Variants in ZNF423 observed in about 807,000 individuals in gnomAD.
ZNF423 encodes the protein zinc finger protein 423, also known as Ebf-associated zinc finger protein.
In ZNF423, 12 loss-of-function variants were observed where a neutral mutation model predicts 95.8. That is an observed-to-expected ratio of 0.13 (90% confidence interval 0.08 to 0.20). The LOEUF (loss-of-function observed/expected upper bound fraction) is 0.20, where lower values mean the gene tolerates loss of function less well. ZNF423 is among the 10% of genes least tolerant of loss of function. The probability of loss-of-function intolerance (pLI) is 1.00; values close to 1 mark genes in which losing one functional copy is unlikely to be tolerated. For synonymous variants in ZNF423, 749 were observed against 711.9 expected (o/e 1.05, Z -0.83); for missense variants, 1,316 against 1,737.1 (o/e 0.76, Z 4.31).
rs112417660 is a variant in ZNF423 at position 49,720,971 on chromosome 16, T to C, written c.301+9800A>G. ...TCTACAGAGTCAACCTCAGGACTTC[T>C]ACCCTGGCAATGGTAAGAGGCTGCT... On this transcript the variant is annotated intron_variant, in intron 3 of 7. Coordinates refer to ENST00000563137, the MANE Select transcript of ZNF423 (RefSeq NM_001379286.1). Among the ~76,000 whole-genome samples, 711 of 152,362 alleles carry C rather than the reference T, an allele frequency of 4.7e-3. 2 individuals are homozygous for C. Among genetic ancestry groups the C allele is most frequent in the Non-Finnish European group, 8.0e-3 (543 of 68,036 alleles).
intron 5 of ZNF423, among the ~76,000 whole-genome samples, chr16:49,560,787 G>A (rs912052644): frequency 5.9e-5 from 9 of 152,232 alleles, no homozygotes; most frequent in Non-Finnish European, 1.0e-4. Context: ...CGAGTCGGCC[G>A]AGTACGCTGA....
intron 2 of ZNF423, among the ~76,000 whole-genome samples, chr16:49,735,712 A>G (rs371024225): frequency 5.3e-5 from 8 of 152,162 alleles, no homozygotes; most frequent in African/African-American, 1.9e-4. Context: ...CCCAAGCCAC[A>G]TGGAGAGAGA....
chr16:49,563,471 T>C (rs1970082182), intron 5 of ZNF423, among the ~76,000 whole-genome samples: 1 of 152,210 alleles, frequency 6.6e-6, no homozygotes, highest in Non-Finnish European at 1.5e-5. Flanking sequence ...GGGTATTCCT[T>C]CACAGCAACA....
chr16:49,488,270 C>T lies in ZNF423; in HGVS notation c.*3005G>A, dbSNP rs544879396. Reference sequence around the variant, plus strand: ...GAGCGTTCTTTAAGGCTGGGGAACTCGAGAAGATTTCTCCCATGACAGTTT... The same window carrying T: ...GAGCGTTCTTTAAGGCTGGGGAACTTGAGAAGATTTCTCCCATGACAGTTT... On this transcript the variant is annotated 3_prime_UTR_variant, in exon 8 of 8. Coordinates refer to ENST00000563137, the MANE Select transcript of ZNF423 (RefSeq NM_001379286.1). 8 of 152,338 alleles carry T rather than the reference C, an allele frequency of 5.3e-5. No homozygotes were observed. The South Asian group carries it at 6.2e-4, about 12-fold the overall frequency. The allele number at this position is 152,338 out of a possible 1,614,324, so 9.4% of individuals were successfully genotyped here. A position where few individuals can be genotyped will look rare whatever the true frequency, so the allele number is the denominator to read the frequency against.
chr16:49,639,763 A>G (rs1437659562), intron 3 of ZNF423, among the ~76,000 whole-genome samples: 3 of 152,192 alleles, frequency 2.0e-5, no homozygotes, highest in Non-Finnish European at 4.4e-5. Flanking sequence ...ATCCTTGTAC[A>G]GACTCCAGCC....
chr16:49,732,215 G>A (rs1444474423), intron 2 of ZNF423, among the ~76,000 whole-genome samples: 1 of 152,154 alleles, frequency 6.6e-6, no homozygotes. Flanking sequence ...TCCTGGTCTA[G>A]TTCACTTCCC....
At chr16:49,827,515 G>A (rs1374043857) in intron 1 of ZNF423, among the ~76,000 whole-genome samples, 1 of 120,148 alleles carries the variant, frequency 8.3e-6, no homozygotes. Flanking sequence ...TGAATGAACA[G>A]CTAACTTTTT....
intron 1 of ZNF423, among the ~76,000 whole-genome samples, chr16:49,816,523 C>A (rs1330278213): frequency 6.6e-6 from 1 of 152,168 alleles, no homozygotes; most frequent in Non-Finnish European, 1.5e-5. Flanking sequence ...TGCAGTGGTT[C>A]ATGCCTGTAA....
At chr16:49,692,269 T>G (rs947885848) in intron 3 of ZNF423, among the ~76,000 whole-genome samples, 1 of 152,130 alleles carries the variant, frequency 6.6e-6, no homozygotes, top group African/African-American at 2.4e-5. Context: ...CCATTTCTTA[T>G]GCAGAGCACT....
chr16:49,615,083 A>G (rs982640334), intron 5 of ZNF423, among the ~76,000 whole-genome samples: 3 of 151,780 alleles, frequency 2.0e-5, no homozygotes, highest in African/African-American at 7.3e-5. Context: ...GTGAGGCGAG[A>G]TCGTGCCATT....
intron 1 of ZNF423, among the ~76,000 whole-genome samples, chr16:49,828,047 G>A (rs1000539938): frequency 1.3e-5 from 2 of 152,166 alleles, no homozygotes; most frequent in South Asian, 2.1e-4. Flanking sequence ...ACTCTTCTCC[G>A]ATTCAGACTT....
rs767903828 is a variant in ZNF423, at chr16:49,636,417, C to G, written c.2759G>C (p.Arg920Pro). 2 of 1,613,222 alleles carry G rather than the reference C, an allele frequency of 1.2e-6. No individual in the cohort carries two copies. The highest frequency in any genetic ancestry group is 1.7e-6 in the Non-Finnish European group (2 of 1,180,034). Residue 920 changes from arginine to proline, a missense_variant, in exon 4 of 8, where the codon CGG (arginine) becomes CCG (proline). This residue lies in a region of ZNF423 where 620 missense variants were observed against 775.6 expected (regional missense o/e 0.80). Coordinates refer to ENST00000563137, the MANE Select transcript of ZNF423 (RefSeq NM_001379286.1). The surrounding 1 kb of genome is among the most constrained non-coding windows in gnomAD (Gnocchi z 8.6). Reference sequence around the variant, plus strand: ...GCGTGAGCCATCATCCTCGCCCGGCCGGATATTGTGGTCCCGCAGCCGGTG... The same window carrying G: ...GCGTGAGCCATCATCCTCGCCCGGCGGGATATTGTGGTCCCGCAGCCGGTG... The part of the protein sequence containing the change: ...QNHRLRDHNI[R>P]PGEDDGSRKK...
intron 3 of ZNF423, among the ~76,000 whole-genome samples, chr16:49,720,162 G>A (rs1200505919): frequency 1.3e-5 from 2 of 152,348 alleles, no homozygotes; most frequent in East Asian, 3.9e-4. Flanking sequence ...CACCCAAGGT[G>A]GGGGCACAAC....
At chr16:49,826,897 G>C (rs185205132) in intron 1 of ZNF423, 3 of 152,130 alleles carry the variant, frequency 2.0e-5, no homozygotes, top group African/African-American at 7.2e-5. Flanking sequence ...CTTTGAAAAG[G>C]CCACTGGGGA....
chr16:49,704,018 AG>A (rs895499380), intron 3 of ZNF423, among the ~76,000 whole-genome samples: 1 of 152,178 alleles, frequency 6.6e-6, no homozygotes, highest in Non-Finnish European at 1.5e-5. Flanking sequence ...AGTGCAAGGG[AG>A]GAAGGGCAGG....
At chr16:49,527,477 C>A (rs1968661254) in intron 5 of ZNF423, among the ~76,000 whole-genome samples, 1 of 152,050 alleles carries the variant, frequency 6.6e-6, no homozygotes, top group Non-Finnish European at 1.5e-5. Flanking sequence ...CCAATGCATC[C>A]CCTGCCCCCT....
intron 3 of ZNF423, among the ~76,000 whole-genome samples, chr16:49,703,106 C>T (rs754543804): frequency 8.5e-5 from 13 of 152,220 alleles, no homozygotes; most frequent in Non-Finnish European, 1.9e-4. Context: ...GCTGGGCCCT[C>T]CTCCCTCCTG....
intron 5 of ZNF423, among the ~76,000 whole-genome samples, chr16:49,623,799 A>C (rs565280461): frequency 6.6e-6 from 1 of 152,342 alleles, no homozygotes; most frequent in South Asian, 2.1e-4. Context: ...CAGTGGCTGC[A>C]GGAGACTGGC....
intron 1 of ZNF423, among the ~76,000 whole-genome samples, chr16:49,816,313 A>T (rs541967835): frequency 6.6e-6 from 1 of 152,106 alleles, no homozygotes; most frequent in African/African-American, 2.4e-5. Flanking sequence ...TTCCCCCAGG[A>T]TTTCAAAGCA....
Sources: gnomAD v4.1 joint callset for allele counts (sites outside exome capture counted in the v4.1 genomes callset) on GRCh38, gnomAD v4.1.1 for gene constraint, gnomAD v4.1.1 regional missense constraint, Gnocchi (gnomAD v3.1) non-coding constraint, MANE v1.5 for transcripts, NCBI Gene and HGNC (gene_info 2026-07-23, HGNC 2026-07-21) for gene names.